Variants in ATRN observed in about 807,000 individuals in gnomAD.
ATRN encodes attractin-2.
Under a neutral mutation model 178.7 loss-of-function variants are expected in ATRN, and 54 were observed. The ratio of observed to expected loss-of-function variants is 0.30; its 90% CI spans 0.24 to 0.38. The LOEUF (loss-of-function observed/expected upper bound fraction) is 0.38. Ranked by LOEUF, ATRN falls within the 10% of genes least tolerant of loss-of-function variation. ATRN has a pLI of 1.00. For synonymous variants in ATRN, 636 were observed against 663.0 expected (o/e 0.96, Z 0.63); for missense variants, 1,443 against 1,815.1 (o/e 0.79, Z 3.73).
At chr20:3,584,519 C>G (rs564103985) in intron 17 of ATRN, 128 bp from the exon 18 acceptor site, 24 of 724,518 alleles carry the variant, frequency 3.3e-5, no homozygotes, top group Non-Finnish European at 2.7e-5. Flanking sequence ...TTCATTATCT[C>G]TTTTAAATAA....
At chr20:3,581,162 G>T (rs2086277896) in intron 15 of ATRN, among the ~76,000 whole-genome samples, 1 of 152,202 alleles carries the variant, frequency 6.6e-6, no homozygotes, top group Non-Finnish European at 1.5e-5. Context: ...TGAGGCAAGA[G>T]GGTTGCTTGA....
At position 3,512,859 on chromosome 20, in the gene ATRN, T is replaced by G. The variant is rs551279919; in HGVS notation, c.411-22394T>G. Among the ~76,000 whole-genome samples the G allele has an allele frequency of 5.4e-3, 830 of 152,356 alleles. 6 individuals are homozygous for G. The highest frequency in any genetic ancestry group is 0.019 in the African/African-American group (775 of 41,574). The stretch of plus-strand genomic sequence containing the variant: ...TGATTTGCATTTCTCTGATGGCCAG[T>G]GATGATGAGCATTTTTTCACGTGTC... On this transcript the variant is annotated intron_variant, in intron 1 of 28. Coordinates refer to ENST00000262919, the MANE Select transcript of ATRN (RefSeq NM_139321.3).
At chr20:3,545,912 T>G in intron 4 of ATRN, 22 bp downstream of exon 4, 2 of 1,609,794 alleles carry the variant, frequency 1.2e-6, no homozygotes, top group Non-Finnish European at 1.7e-6. Context: ...AAGTCTAGTA[T>G]TTGTGATTTC....
At chr20:3,533,806 ATATC>A (rs1202646153) in intron 1 of ATRN, among the ~76,000 whole-genome samples, 5 of 152,052 alleles carry the variant, frequency 3.3e-5, no homozygotes, top group East Asian at 1.9e-4. Flanking sequence ...ATGTATATCT[ATATC>A]TATATAGATA....
chr20:3,592,447 A>G (rs1226377558), intron 19 of ATRN: 1 of 980,700 alleles, frequency 1.0e-6, no homozygotes, highest in Non-Finnish European at 1.2e-6. Context: ...TTCCCCATTT[A>G]TGTCAAATAG....
chr20:3,575,748 C>T (rs568424865), intron 12 of ATRN, 79 bp from the exon 13 acceptor site: 133 of 1,469,000 alleles, frequency 9.1e-5, no homozygotes, highest in Non-Finnish European at 8.9e-5. Context: ...ACCATTGTTA[C>T]GATTTTTTTT....
At chr20:3,629,783 ACAGGG>A (rs2086975703) in intron 25 of ATRN, among the ~76,000 whole-genome samples, 1 of 152,194 alleles carries the variant, frequency 6.6e-6, no homozygotes, top group African/African-American at 2.4e-5. Context: ...GTTTTATTAT[ACAGGG>A]TACAACTCAG....
At chr20:3,508,259 A>G (rs982625587) in intron 1 of ATRN, among the ~76,000 whole-genome samples, 4 of 152,136 alleles carry the variant, frequency 2.6e-5, no homozygotes, top group South Asian at 2.1e-4. Context: ...ATTATAAACA[A>G]TGGAAACCCA....
At chr20:3,523,318 G>A (rs532266567) in intron 1 of ATRN, among the ~76,000 whole-genome samples, 8 of 151,864 alleles carry the variant, frequency 5.3e-5, no homozygotes, top group South Asian at 2.1e-4. Flanking sequence ...GCATATCAGA[G>A]ATTGAAGATC....
chr20:3,586,925 A>T (rs2086365471), intron 18 of ATRN, among the ~76,000 whole-genome samples: 1 of 151,580 alleles, frequency 6.6e-6, no homozygotes, highest in Non-Finnish European at 1.5e-5. Context: ...TTTAATGAAA[A>T]CTGTTCTAGT....
Position 3,641,815 on chromosome 20 carries a change from A to G in ATRN, c.4051-2339A>G, listed in dbSNP as rs1052691480. ...AAAATTGAGAATTTGCCACCAGCAG[A>G]CCTGCACAAAAGAAATGTCTGAAGG... On this transcript the variant is annotated intron_variant, in intron 27 of 28. Transcript: ENST00000262919. 3.9e-5 allele frequency among the ~76,000 whole-genome samples: 6 copies of G among 152,250 alleles called. No homozygotes were observed. In the East Asian group the frequency reaches 1.2e-3, roughly 29 times the overall value.
At chr20:3,512,105 A>ATTT (rs1379656862) in intron 1 of ATRN, among the ~76,000 whole-genome samples, 10 of 113,416 alleles carry the variant, frequency 8.8e-5, no homozygotes, top group African/African-American at 3.4e-4. Flanking sequence ...ATATATATAT[A>ATTT]TATTTTTTTT....
chr20:3,586,742 T>C (rs1041360520), intron 18 of ATRN, among the ~76,000 whole-genome samples: 1 of 152,146 alleles, frequency 6.6e-6, no homozygotes, highest in Non-Finnish European at 1.5e-5. Context: ...GCCATTTATA[T>C]GAAATGTCCA....
Position 3,601,038 on chromosome 20 carries a change from T to C in ATRN, c.3643+14T>C. 1 of 1,590,166 alleles carries C rather than the reference T, an allele frequency of 6.3e-7. No homozygotes were observed. The highest frequency in any genetic ancestry group is 1.3e-5 in the African/African-American group (1 of 74,344). On this transcript the variant is annotated intron_variant, in intron 23 of 28. Coordinates refer to ENST00000262919, the MANE Select transcript of ATRN (RefSeq NM_139321.3). ...CCAGTTTCTCAGGTAAAGACATACCTAGAGAAGACCCCGCAAATGAAGGTG... is the reference window on the plus strand; with the variant it reads ...CCAGTTTCTCAGGTAAAGACATACCCAGAGAAGACCCCGCAAATGAAGGTG...
At chr20:3,500,323 C>G (rs1600038740) in intron 1 of ATRN, among the ~76,000 whole-genome samples, 1 of 152,140 alleles carries the variant, frequency 6.6e-6, no homozygotes, top group African/African-American at 2.4e-5. Flanking sequence ...ACCCAGCCAT[C>G]CCATTACTGG....
At chr20:3,564,963 G>A (rs570892841) in intron 10 of ATRN, among the ~76,000 whole-genome samples, 1 of 152,170 alleles carries the variant, frequency 6.6e-6, no homozygotes, top group Non-Finnish European at 1.5e-5. Context: ...TACTTGGGAG[G>A]ATGAGGCAGG....
Position 3,582,227 on chromosome 20 carries a change from A to G in ATRN, c.2637A>G (p.Leu879=), listed in dbSNP as rs764451236. The change falls in exon 16 of 29, where the codon TTA becomes TTG. Residue 879 remains leucine, a synonymous_variant. Coordinates refer to ENST00000262919, the MANE Select transcript of ATRN (RefSeq NM_139321.3). ...WEDMSPFTNS[L]LQWMPSEPSD... ...ATATGTCCCCATTTACAAATAGTTT[A>G]CTACAGTGGATGCCGTCTGAGCCCA... is the stretch of plus-strand genomic sequence containing the variant. The G allele has an allele frequency of 2.2e-5, 36 of 1,613,952 alleles. No individual in the cohort carries two copies. The South Asian group carries it at 4.0e-4, about 18-fold the overall frequency.
chr20:3,472,048 G>A (rs2084437131), intron 1 of ATRN, among the ~76,000 whole-genome samples: 1 of 152,134 alleles, frequency 6.6e-6, no homozygotes, highest in Non-Finnish European at 1.5e-5. Context: ...AAGGACCAGT[G>A]GTCCTTCTAA....
At chr20:3,553,406 A>T (rs1235040505) in intron 6 of ATRN, among the ~76,000 whole-genome samples, 2 of 152,246 alleles carry the variant, frequency 1.3e-5, no homozygotes, top group East Asian at 3.8e-4. Flanking sequence ...TTTTATGTAC[A>T]GCCTGCTGTT....
Sources: allele counts gnomAD v4.1 joint callset (sites outside exome capture counted in the v4.1 genomes callset), GRCh38; gene constraint gnomAD v4.1.1; transcripts MANE v1.5; gene names NCBI Gene and HGNC (gene_info 2026-07-23, HGNC 2026-07-21).